Variants in IGFL4 observed in about 807,000 individuals in gnomAD.
IGFL4 encodes IGF like family member 4, also known as insulin growth factor-like family member 4.
IGFL4 carries 12 observed loss-of-function variants against 15.4 expected under a neutral mutation model. That is an observed-to-expected ratio of 0.78 (90% CI 0.50 to 1.26). IGFL4 has a LOEUF of 1.26. IGFL4 is among the 50% of genes most tolerant of loss of function. The pLI, the probability that IGFL4 is intolerant of heterozygous loss-of-function variation, is 0.00. For missense variants in IGFL4, 126 were observed against 147.8 expected (o/e 0.85, Z 0.76); for synonymous variants, 54 against 55.9 (o/e 0.97, Z 0.16).
upstream of IGFL4, among the ~76,000 whole-genome samples, chr19:46,043,557 A>G (rs1208666769): frequency 6.6e-6 from 1 of 152,238 alleles, no homozygotes; most frequent in African/African-American, 2.4e-5. Flanking sequence ...CTCCAGCTAC[A>G]CTAATGAAGA....
At chr19:46,070,145 A>ATT (rs11412709) in intron 1 of IGFL4, among the ~76,000 whole-genome samples, 11,687 of 148,496 alleles carry the variant, frequency 0.079, 630 homozygotes, top group African/African-American at 0.15. Context: ...AATCTCTAAG[A>ATT]TTTTTTTTTT....
At chr19:46,056,439 A>C (rs1041103955) in intron 2 of IGFL4, among the ~76,000 whole-genome samples, 1 of 152,200 alleles carries the variant, frequency 6.6e-6, no homozygotes, top group Non-Finnish European at 1.5e-5. Flanking sequence ...AGGCATTTCA[A>C]TTATTCTCCA....
At chr19:46,042,446 C>T (rs1969255785), upstream of IGFL4, among the ~76,000 whole-genome samples, 1 of 152,146 alleles carries the variant, frequency 6.6e-6, no homozygotes, top group Non-Finnish European at 1.5e-5. Context: ...TTTATGACCA[C>T]TTGAAAGGGA....
chr19:46,054,754 T>C (rs998539634), intron 2 of IGFL4, among the ~76,000 whole-genome samples: 1 of 152,130 alleles, frequency 6.6e-6, no homozygotes, highest in African/African-American at 2.4e-5. Flanking sequence ...AGTAAGAACC[T>C]GAGGGTTCCA....
At chr19:46,045,721 GAAAAA>G (rs1386479634), upstream of IGFL4, among the ~76,000 whole-genome samples, 1 of 151,896 alleles carries the variant, frequency 6.6e-6, no homozygotes. Context: ...CAAGAATAGA[GAAAAA>G]AGAACAAAAA....
chr19:46,044,169 T>C (rs907778270), upstream of IGFL4, among the ~76,000 whole-genome samples: 1 of 152,152 alleles, frequency 6.6e-6, no homozygotes, highest in Non-Finnish European at 1.5e-5. Context: ...CTCCCATGGA[T>C]ATTTGCAACC....
At chr19:46,047,371 A>C (rs554368898) in intron 2 of IGFL4, among the ~76,000 whole-genome samples, 6 of 152,312 alleles carry the variant, frequency 3.9e-5, no homozygotes, top group African/African-American at 1.2e-4. Context: ...CCAACCCCAA[A>C]GCTAGCAGAA....
chr19:46,050,201 G>A (rs527748669), intron 2 of IGFL4, among the ~76,000 whole-genome samples: 1 of 152,270 alleles, frequency 6.6e-6, no homozygotes, highest in East Asian at 1.9e-4. Flanking sequence ...CTCTGACATA[G>A]TCTGCCCAAA....
chr19:46,068,375 A>G (rs1316975436), intron 1 of IGFL4, among the ~76,000 whole-genome samples: 6 of 152,268 alleles, frequency 3.9e-5, no homozygotes, highest in Non-Finnish European at 8.8e-5. Flanking sequence ...GAATCTCATC[A>G]TGATGGAATC....
intron 1 of IGFL4, among the ~76,000 whole-genome samples, chr19:46,070,883 A>G (rs1969539323): frequency 6.6e-6 from 1 of 152,000 alleles, no homozygotes. Context: ...TTCTTGGTCG[A>G]TGTTTTGTAT....
At chr19:46,067,440 G>C (rs1284050278) in intron 1 of IGFL4, among the ~76,000 whole-genome samples, 1 of 152,070 alleles carries the variant, frequency 6.6e-6, no homozygotes, top group Non-Finnish European at 1.5e-5. Context: ...CCCAAGACCA[G>C]CTCCCAGGAA....
chr19:46,053,106 G>GCCTATTATT (rs1969362754), intron 2 of IGFL4, among the ~76,000 whole-genome samples: 3 of 152,080 alleles, frequency 2.0e-5, no homozygotes, highest in Admixed American at 2.0e-4. Context: ...TGTATAATTG[G>GCCTATTATT]GGTTGGCTAA....
At chr19:46,056,195 T>A (rs1194356181) in intron 2 of IGFL4, among the ~76,000 whole-genome samples, 1 of 152,226 alleles carries the variant, frequency 6.6e-6, no homozygotes, top group Non-Finnish European at 1.5e-5. Flanking sequence ...AAACTAAGGC[T>A]GTGCTACACC....
upstream of IGFL4, among the ~76,000 whole-genome samples, chr19:46,041,901 C>A (rs182226136): frequency 2.3e-3 from 333 of 142,868 alleles, no homozygotes; most frequent in Non-Finnish European, 2.7e-3. Flanking sequence ...GGCAGTGGTG[C>A]TATCTTTGCT....
rs370466229 is a variant in IGFL4, at chr19:46,051,275, C to T, written c.-323+8910G>A. ...CAATAACACAATGAGCTGGGCACAG[C>T]GGCTCACACCTGTAATCCCAGCACT... On this transcript the variant is annotated intron_variant, in intron 2 of 5. Coordinates refer to the IGFL4 transcript ENST00000601672. Among the ~76,000 whole-genome samples the T allele has an allele frequency of 2.0e-4, 31 of 152,198 alleles. No individual in the cohort carries two copies. The South Asian group carries it at 5.4e-3, about 26-fold the overall frequency.
chr19:46,039,758 G>T lies in IGFL4; in HGVS notation c.*134C>A, dbSNP rs1969217172. On this transcript the variant is annotated 3_prime_UTR_variant, in exon 4 of 4. Transcript: ENST00000377697. ...CATTGATTTTGTATCCTGAGACTTT[G>T]CTGAAGTTGCTTATTTGCACTCCAG... 1.3e-6 allele frequency: 1 copy of T among 755,026 alleles called. No homozygotes were observed. Among genetic ancestry groups the T allele is most frequent in the Non-Finnish European group, 2.4e-6 (1 of 421,308 alleles). The allele number at this position is 755,026 out of a possible 1,614,324, so 46.8% of individuals were successfully genotyped here.
upstream of IGFL4, among the ~76,000 whole-genome samples, chr19:46,045,050 A>G (rs1969284801): frequency 6.6e-6 from 1 of 152,248 alleles, no homozygotes; most frequent in African/African-American, 2.4e-5. Context: ...TCAAAAAGCC[A>G]GAGTGCTTCT....
Position 46,039,980 on chromosome 19 carries a change from G to A in IGFL4, c.331-44C>T, listed in dbSNP as rs1417173019. The A allele has an allele frequency of 2.6e-6, 4 of 1,559,404 alleles. No individual in the cohort carries two copies. The East Asian group carries it at 9.0e-5, about 35-fold the overall frequency. On this transcript the variant is annotated intron_variant, in intron 3 of 3. Coordinates refer to ENST00000377697, the MANE Select transcript of IGFL4 (RefSeq NM_001002923.3). The stretch of plus-strand genomic sequence containing the variant: ...GGGAGAGGGGAATAAGAGGGAGGGT[G>A]GTAGCAGCAGTGGCGGGGAAGGAAC...
chr19:46,076,356 G>A (rs1408682075), intron 1 of IGFL4, among the ~76,000 whole-genome samples: 1 of 152,184 alleles, frequency 6.6e-6, no homozygotes, highest in East Asian at 1.9e-4. Context: ...GCCACTGGGA[G>A]CTCTTCTGTT....
Sources: gnomAD v4.1 joint callset for allele counts (sites outside exome capture counted in the v4.1 genomes callset) on GRCh38, gnomAD v4.1.1 for gene constraint, MANE v1.5 for transcripts, NCBI Gene and HGNC (gene_info 2026-07-23, HGNC 2026-07-21) for gene names.